C12orf54: variants seen among roughly 807,000 people sequenced by gnomAD.
C12orf54 encodes the protein chromosome 12 open reading frame 54, also known as uncharacterized protein C12orf54.
C12orf54 carries 24 observed loss-of-function variants against 26.4 expected under a neutral mutation model. That is an observed-to-expected ratio of 0.91 (90% CI 0.66 to 1.28). C12orf54 has a LOEUF of 1.28. Ranked by LOEUF, C12orf54 falls within the 50% of genes most tolerant of loss-of-function variation. The pLI, the probability that C12orf54 is intolerant of heterozygous loss-of-function variation, is 0.00. For synonymous variants in C12orf54, 54 were observed against 47.0 expected (o/e 1.15, Z -0.61); for missense variants, 154 against 150.9 (o/e 1.02, Z -0.11).
At chr12:48,428,621 A>G in the C12orf54 span, among the ~76,000 whole-genome samples, 1 of 152,176 alleles carries the variant, frequency 6.6e-6, no homozygotes, top group Non-Finnish European at 1.5e-5. Context: ...TAAATCAGAA[A>G]CAATTAGATA....
At chr12:48,448,036 A>C in the C12orf54 span, among the ~76,000 whole-genome samples, 1 of 152,026 alleles carries the variant, frequency 6.6e-6, no homozygotes, top group Non-Finnish European at 1.5e-5. Flanking sequence ...AAAAACAGAG[A>C]CCTCAGTCCC....
At chr12:48,438,357 C>G in the C12orf54 span, among the ~76,000 whole-genome samples, 1 of 152,138 alleles carries the variant, frequency 6.6e-6, no homozygotes, top group Non-Finnish European at 1.5e-5. Flanking sequence ...CAATGCCATC[C>G]CCATCAAGCT....
the C12orf54 span, chr12:48,473,552 T>C: frequency 3.0e-6 from 1 of 337,516 alleles, no homozygotes; most frequent in African/African-American, 2.1e-5. Context: ...AGAGGAAAAG[T>C]GTACTGGGGG....
chr12:48,492,896 G>C (rs1197326500), intron 6 of C12orf54, 51 bp from the exon 7 acceptor site: 1 of 1,528,316 alleles, frequency 6.5e-7, no homozygotes, highest in South Asian at 1.1e-5. Flanking sequence ...CAGCTGGGGA[G>C]ACATGTCCAG....
chr12:48,469,702 C>T, the C12orf54 span, among the ~76,000 whole-genome samples: 2 of 152,140 alleles, frequency 1.3e-5, no homozygotes, highest in Non-Finnish European at 2.9e-5. Context: ...AATTTATGTT[C>T]AGAGATTGCA....
At chr12:48,467,262 A>G in the C12orf54 span, among the ~76,000 whole-genome samples, 1 of 152,204 alleles carries the variant, frequency 6.6e-6, no homozygotes, top group African/African-American at 2.4e-5. Context: ...AAAAGCTAAA[A>G]GAGAAGCTTG....
At chr12:48,490,011 C>A (rs1275892538) in intron 5 of C12orf54, among the ~76,000 whole-genome samples, 1 of 152,058 alleles carries the variant, frequency 6.6e-6, no homozygotes, top group Non-Finnish European at 1.5e-5. Context: ...CATGAGCCAC[C>A]CCGCTCAGCC....
At chr12:48,438,599 T>C in the C12orf54 span, among the ~76,000 whole-genome samples, 1 of 152,104 alleles carries the variant, frequency 6.6e-6, no homozygotes, top group African/African-American at 2.4e-5. Flanking sequence ...GAAATAATGA[T>C]GCATATCTAC....
At chr12:48,444,641 C>T in the C12orf54 span, among the ~76,000 whole-genome samples, 5 of 151,950 alleles carry the variant, frequency 3.3e-5, no homozygotes, top group African/African-American at 4.8e-5. Context: ...TTTTTTAACC[C>T]GCTGCTGCAA....
chr12:48,476,770 G>C, the C12orf54 span, among the ~76,000 whole-genome samples: 5 of 152,134 alleles, frequency 3.3e-5, no homozygotes, highest in African/African-American at 4.8e-5. Flanking sequence ...CCTACAAACA[G>C]ACTTAGACTC....
the C12orf54 span, among the ~76,000 whole-genome samples, chr12:48,415,779 C>T: frequency 6.6e-6 from 1 of 152,116 alleles, no homozygotes; most frequent in Non-Finnish European, 1.5e-5. Flanking sequence ...TGACCATTTT[C>T]TAGAGCTTCA....
chr12:48,487,772 A>G (rs1476266694), intron 4 of C12orf54: 1 of 393,418 alleles, frequency 2.5e-6, no homozygotes, highest in Non-Finnish European at 4.6e-6. Context: ...TACATACACT[A>G]TATTTCCACC....
chr12:48,480,087 A>C (rs913695865), upstream of C12orf54, among the ~76,000 whole-genome samples: 1 of 152,190 alleles, frequency 6.6e-6, no homozygotes, highest in African/African-American at 2.4e-5. Context: ...TAAAAGCTTC[A>C]TTTAAAAAAG....
the C12orf54 span, among the ~76,000 whole-genome samples, chr12:48,475,130 C>T: frequency 1.3e-5 from 2 of 152,198 alleles, no homozygotes; most frequent in South Asian, 2.1e-4. Context: ...GAAACCCAGG[C>T]AAACAGGGTC....
the C12orf54 span, among the ~76,000 whole-genome samples, chr12:48,418,042 A>G: frequency 2.6e-5 from 4 of 152,218 alleles, no homozygotes; most frequent in African/African-American, 9.6e-5. Context: ...TAGATAGAAA[A>G]CAGACCATAG....
the C12orf54 span, among the ~76,000 whole-genome samples, chr12:48,437,368 A>G: frequency 6.6e-6 from 1 of 152,236 alleles, no homozygotes; most frequent in Non-Finnish European, 1.5e-5. Context: ...TCCAATCAGT[A>G]GAAAAAGAGG....
At chr12:48,448,587 G>A in the C12orf54 span, among the ~76,000 whole-genome samples, 1 of 152,152 alleles carries the variant, frequency 6.6e-6, no homozygotes, top group South Asian at 2.1e-4. Flanking sequence ...ATGTAGACAA[G>A]CACATCATCT....
At chr12:48,488,739 G>C (rs1376186563) in intron 4 of C12orf54, among the ~76,000 whole-genome samples, 185 bp from the exon 5 acceptor site, 1 of 152,162 alleles carries the variant, frequency 6.6e-6, no homozygotes, top group African/African-American at 2.4e-5. Flanking sequence ...GCAGCCCAGA[G>C]GTTTCTGTAG....
the C12orf54 span, among the ~76,000 whole-genome samples, chr12:48,458,806 A>G: frequency 1.3e-5 from 2 of 151,980 alleles, no homozygotes; most frequent in South Asian, 2.1e-4. Flanking sequence ...AAAGACTGAA[A>G]CGATTAAGCA....
Sources: gnomAD v4.1 joint callset for allele counts (sites outside exome capture counted in the v4.1 genomes callset) on GRCh38, gnomAD v4.1.1 for gene constraint, MANE v1.5 for transcripts, NCBI Gene and HGNC (gene_info 2026-07-23, HGNC 2026-07-21) for gene names.